Variants in SBF2 observed in about 807,000 individuals in gnomAD.
SBF2 encodes the protein SET binding factor 2, also known as myotubularin-related protein 13.
In SBF2, 112 loss-of-function variants were observed where a neutral mutation model predicts 225.2. The observed-to-expected ratio is 0.50, with a 90% confidence interval of 0.43 to 0.58. The LOEUF is 0.58. Ranked by LOEUF, SBF2 falls within the 20% of genes least tolerant of loss-of-function variation. The probability of loss-of-function intolerance (pLI) is 0.00; values close to 1 mark genes in which losing one functional copy is unlikely to be tolerated. For missense variants in SBF2, 1,996 were observed against 2,206.2 expected (o/e 0.90, Z 1.91); for synonymous variants, 763 against 773.3 (o/e 0.99, Z 0.22).
chr11:9,803,475 C>T (rs1302676595), intron 32 of SBF2, among the ~76,000 whole-genome samples: 2 of 152,156 alleles, frequency 1.3e-5, no homozygotes, highest in African/African-American at 4.8e-5. Context: ...CACTCCTCCC[C>T]CCCAGCCCCA....
chr11:10,159,305 C>T (rs1163208524), intron 2 of SBF2, among the ~76,000 whole-genome samples: 1 of 152,208 alleles, frequency 6.6e-6, no homozygotes, highest in Non-Finnish European at 1.5e-5. Context: ...GACTAGATTA[C>T]ATTTGTGGGA....
chr11:10,117,369 A>T (rs1358894246), intron 2 of SBF2, among the ~76,000 whole-genome samples: 3 of 137,220 alleles, frequency 2.2e-5, no homozygotes, highest in Non-Finnish European at 3.1e-5. Context: ...TGAACCCAGG[A>T]GGTGGGGGTT....
At chr11:10,281,754 T>C (rs1384669080) in intron 1 of SBF2, among the ~76,000 whole-genome samples, 1 of 152,206 alleles carries the variant, frequency 6.6e-6, no homozygotes, top group Non-Finnish European at 1.5e-5. Flanking sequence ...CTGTCCCATC[T>C]TTTGAAGTCT....
At chr11:10,256,912 C>T (rs1042550934) in intron 1 of SBF2, among the ~76,000 whole-genome samples, 6 of 152,114 alleles carry the variant, frequency 3.9e-5, no homozygotes, top group South Asian at 2.1e-4. Context: ...TTATGCTAGA[C>T]GAAACTATTC....
At position 10,205,936 on chromosome 11, in the gene SBF2, C is replaced by T. The variant is rs552985775; in HGVS notation, c.56-11949G>A. Among the ~76,000 whole-genome samples, 130 of 151,918 alleles carry T rather than the reference C, an allele frequency of 8.6e-4. 1 individual carries two copies. Among genetic ancestry groups the T allele is most frequent in the African/African-American group, 3.0e-3 (126 of 41,476 alleles). On this transcript the variant is annotated intron_variant, in intron 1 of 39. Transcript: ENST00000256190. ...TTTGTTTCTATGGGCTTAAGAATTC[C>T]CTCCCCAATCCAGAAACACTGGGGT... is the stretch of plus-strand genomic sequence containing the variant.
chr11:10,256,143 A>T (rs1960846301), intron 1 of SBF2, among the ~76,000 whole-genome samples: 1 of 152,208 alleles, frequency 6.6e-6, no homozygotes, highest in East Asian at 1.9e-4. Context: ...AATCTCCACA[A>T]TCAGGCTTCA....
chr11:10,121,408 G>A (rs2135054510), intron 2 of SBF2, among the ~76,000 whole-genome samples: 1 of 152,216 alleles, frequency 6.6e-6, no homozygotes, highest in South Asian at 2.1e-4. Flanking sequence ...ATGACTTGAG[G>A]AACATTTTTT....
At chr11:9,944,932 C>A (rs1453676672) in intron 16 of SBF2, among the ~76,000 whole-genome samples, 1 of 151,868 alleles carries the variant, frequency 6.6e-6, no homozygotes, top group Non-Finnish European at 1.5e-5. Flanking sequence ...AAAGTGAGAC[C>A]CTGTCTCTAC....
chr11:10,257,729 G>A (rs1960995044), intron 1 of SBF2, among the ~76,000 whole-genome samples: 1 of 149,540 alleles, frequency 6.7e-6, no homozygotes, highest in Non-Finnish European at 1.5e-5. Flanking sequence ...AGGCACAGTG[G>A]CTCACGCCTA....
At chr11:9,939,315 G>A (rs1435921621) in intron 16 of SBF2, among the ~76,000 whole-genome samples, 1 of 152,064 alleles carries the variant, frequency 6.6e-6, no homozygotes, top group African/African-American at 2.4e-5. Flanking sequence ...CCAGGCTGGT[G>A]TTGATCTCCG....
chr11:10,285,930 G>A lies in SBF2; in HGVS notation c.55+8085C>T, dbSNP rs570197774. Among the ~76,000 whole-genome samples the A allele has an allele frequency of 7.9e-5, 12 of 152,270 alleles. No homozygotes were observed. The East Asian group carries it at 9.6e-4, about 12-fold the overall frequency. Reference sequence around the variant, plus strand: ...AATACACAAATGGCAACAAGCACCCGAAAAGGTGTTCAGCATTATTAGTCA... The same window carrying A: ...AATACACAAATGGCAACAAGCACCCAAAAAGGTGTTCAGCATTATTAGTCA... On this transcript the variant is annotated intron_variant, in intron 1 of 39. Transcript: ENST00000256190.
At chr11:10,000,006 T>C (rs990609595) in intron 8 of SBF2, among the ~76,000 whole-genome samples, 1 of 152,236 alleles carries the variant, frequency 6.6e-6, no homozygotes, top group African/African-American at 2.4e-5. Flanking sequence ...TCTCAGGCTC[T>C]CTGAAAAGTG....
intron 2 of SBF2, among the ~76,000 whole-genome samples, chr11:10,135,861 A>G (rs1954321254): frequency 6.6e-6 from 1 of 152,124 alleles, no homozygotes; most frequent in African/African-American, 2.4e-5. Context: ...CCTGCTACCC[A>G]GTTCCAAAGT....
At chr11:10,006,596 C>T (rs889398346) in intron 6 of SBF2, among the ~76,000 whole-genome samples, 2 of 152,176 alleles carry the variant, frequency 1.3e-5, no homozygotes, top group African/African-American at 4.8e-5. Flanking sequence ...ACATCAAGCC[C>T]TAAGTCCTCC....
intron 16 of SBF2, among the ~76,000 whole-genome samples, chr11:9,942,980 GAAGAAAGAAAGAAAGA>G (rs61495070): frequency 0.015 from 2,228 of 147,656 alleles, 30 homozygotes; most frequent in Non-Finnish European, 0.021. Flanking sequence ...AAAGAAAGAG[GAAGAAAGAAAGAAAGA>G]AAGAAAGAAA....
At chr11:10,199,086 C>A (rs1234960278) in intron 1 of SBF2, among the ~76,000 whole-genome samples, 1 of 152,168 alleles carries the variant, frequency 6.6e-6, no homozygotes, top group Non-Finnish European at 1.5e-5. Flanking sequence ...TAAACATAAT[C>A]ATTTCTAGAT....
At chr11:10,052,568 A>G (rs1452128759) in intron 2 of SBF2, among the ~76,000 whole-genome samples, 1 of 152,198 alleles carries the variant, frequency 6.6e-6, no homozygotes, top group Non-Finnish European at 1.5e-5. Context: ...GCTAAACTCT[A>G]TATGTTAATG....
intron 32 of SBF2, among the ~76,000 whole-genome samples, chr11:9,799,553 C>T (rs1230257332): frequency 2.6e-5 from 4 of 152,202 alleles, no homozygotes; most frequent in Non-Finnish European, 5.9e-5. Flanking sequence ...AGCATGTAAA[C>T]ATTTCTTTGG....
chr11:10,092,161 CAA>C (rs1951808213), intron 2 of SBF2, among the ~76,000 whole-genome samples: 1 of 151,906 alleles, frequency 6.6e-6, no homozygotes, highest in African/African-American at 2.4e-5. Flanking sequence ...AGAGAAAAAG[CAA>C]AGTTAGTAAT....
Sources: gnomAD v4.1 joint callset for allele counts (sites outside exome capture counted in the v4.1 genomes callset) on GRCh38, gnomAD v4.1.1 for gene constraint, MANE v1.5 for transcripts, NCBI Gene and HGNC (gene_info 2026-07-23, HGNC 2026-07-21) for gene names.